The following RILPL1 variants were observed in gnomAD, a reference collection of about 807,000 sequenced individuals.
The protein encoded by RILPL1 is Rab interacting lysosomal protein like 1.
RILPL1 carries 33 observed loss-of-function variants against 50.3 expected under a neutral mutation model. The ratio of observed to expected loss-of-function variants is 0.66; its 90% confidence interval spans 0.50 to 0.88. RILPL1 has a LOEUF of 0.88. Among genes scored for constraint, RILPL1 ranks in the 40% least tolerant of loss-of-function variants. The pLI is 0.00. For missense variants in RILPL1, 418 were observed against 542.5 expected (o/e 0.77, Z 2.28); for synonymous variants, 205 against 228.6 (o/e 0.90, Z 0.93).
In RILPL1 at chr12:123,470,557, C is replaced by T. The variant is rs1375073685; in HGVS notation, c.*1981G>A. The T allele has an allele frequency of 6.6e-6, 1 of 151,348 alleles. No individual in the cohort carries two copies. The highest frequency in any genetic ancestry group is 1.5e-5 in the Non-Finnish European group (1 of 68,020). 9.4% of individuals were successfully genotyped at this position (151,348 alleles called of 1,614,324 possible). A position where few individuals can be genotyped will look rare whatever the true frequency, so the allele number is the denominator to read the frequency against. ...TTGAGAGGCCAAGGCAGGTGAATCA[C>T]TTGAGGTCAGGAGTTCGAGACCTCG... On this transcript the variant is annotated 3_prime_UTR_variant, in exon 7 of 7. Transcript: ENST00000376874.
chr12:123,475,896 AATTTTTT>A, intron 6 of RILPL1: 17 of 504,918 alleles, frequency 3.4e-5, no homozygotes, highest in South Asian at 4.8e-5. Flanking sequence ...ATTCACTTAA[AATTTTTT>A]TTTTTTTTTT....
At chr12:123,516,959 G>A (rs1396862468) in intron 2 of RILPL1, among the ~76,000 whole-genome samples, 5 of 152,156 alleles carry the variant, frequency 3.3e-5, no homozygotes, top group African/African-American at 1.2e-4. Context: ...TACTTGGGAG[G>A]CTGAGGCAGG....
In RILPL1 at chr12:123,493,649, C is replaced by T. The variant is rs1012679632; in HGVS notation, c.801+4895G>A. On this transcript the variant is annotated intron_variant, in intron 4 of 6. Transcript: ENST00000376874. ...TCCAAATCCTGCCCTGGGACAAACC[C>T]CTGACCCCAGCCACATGCTGCACGT... Among the ~76,000 whole-genome samples, 365 of 152,276 alleles carry T rather than the reference C, an allele frequency of 2.4e-3. 5 individuals carry two copies. The highest frequency in any genetic ancestry group is 7.1e-4 in the Non-Finnish European group (48 of 68,028).
chr12:123,530,060 T>C (rs1003145757), intron 1 of RILPL1, among the ~76,000 whole-genome samples: 7 of 151,834 alleles, frequency 4.6e-5, no homozygotes, highest in Admixed American at 4.6e-4. Flanking sequence ...AAAAAAAGAG[T>C]GCAGAATATC....
chr12:123,481,119 G>A (rs188387022), intron 6 of RILPL1, among the ~76,000 whole-genome samples: 580 of 152,242 alleles, frequency 3.8e-3, no homozygotes, highest in Non-Finnish European at 6.8e-3. Context: ...CACTTTGGGA[G>A]GCCGAGGCGG....
chr12:123,470,858 A>G lies in RILPL1; in HGVS notation c.*1680T>C, dbSNP rs1881158376. 1.3e-5 allele frequency: 2 copies of G among 152,184 alleles called. No homozygotes were observed. The highest frequency in any genetic ancestry group is 2.9e-5 in the Non-Finnish European group (2 of 68,034). The allele number at this position is 152,184 out of a possible 1,614,324, so 9.4% of individuals were successfully genotyped here. ...ATTTTGGTTACCTGTTGGAAGGGCA[A>G]CAAAGGTGGCCAGGGGTGGGAGAGA... On this transcript the variant is annotated 3_prime_UTR_variant, in exon 7 of 7. Coordinates refer to ENST00000376874, the MANE Select transcript of RILPL1 (RefSeq NM_178314.5).
At chr12:123,494,400 A>G (rs1882901765) in intron 4 of RILPL1, among the ~76,000 whole-genome samples, 1 of 152,228 alleles carries the variant, frequency 6.6e-6, no homozygotes, top group Admixed American at 6.5e-5. Flanking sequence ...ACATTACCGC[A>G]GCCTGATTTT....
At chr12:123,508,901 C>T (rs1471700486) in intron 2 of RILPL1, among the ~76,000 whole-genome samples, 1 of 151,972 alleles carries the variant, frequency 6.6e-6, no homozygotes, top group Non-Finnish European at 1.5e-5. Context: ...AAACAATAGC[C>T]AAGGCTGGGC....
intron 6 of RILPL1, among the ~76,000 whole-genome samples, chr12:123,480,785 G>A (rs1468666133): frequency 2.6e-5 from 4 of 152,106 alleles, no homozygotes; most frequent in African/African-American, 9.7e-5. Context: ...TCCTCCCAAC[G>A]TGAGGCTACC....
intron 2 of RILPL1, among the ~76,000 whole-genome samples, chr12:123,504,994 G>T (rs1170124768): frequency 6.6e-6 from 1 of 151,938 alleles, no homozygotes; most frequent in African/African-American, 2.4e-5. Flanking sequence ...ACATATTTTT[G>T]CATATGTGTA....
rs144790896 is a variant in RILPL1 at position 123,492,575 on chromosome 12, G to C, written c.801+5969C>G. 1.7e-3 allele frequency among the ~76,000 whole-genome samples: 256 copies of C among 152,314 alleles called. 1 individual carries two copies. The highest frequency in any genetic ancestry group is 5.6e-3 in the African/African-American group (234 of 41,572). On this transcript the variant is annotated intron_variant, in intron 4 of 6. Transcript: ENST00000376874. ...AAGTTATAAAAATAGAAAGAGCCTT[G>C]TCTCCTGGTGATCACACTGCAATGA...
intron 2 of RILPL1, among the ~76,000 whole-genome samples, chr12:123,504,106 T>G (rs944159789): frequency 3.3e-5 from 5 of 152,096 alleles, no homozygotes; most frequent in Admixed American, 3.3e-4. Flanking sequence ...ACCTGATATT[T>G]TGGGGCCATT....
At chr12:123,507,802 G>GT in intron 2 of RILPL1, among the ~76,000 whole-genome samples, 1 of 151,770 alleles carries the variant, frequency 6.6e-6, no homozygotes, top group East Asian at 1.9e-4. Context: ...TTAGCTGGGC[G>GT]TGGTGGTGCA....
chr12:123,487,363 C>A (rs997320686), intron 4 of RILPL1, among the ~76,000 whole-genome samples: 2 of 152,036 alleles, frequency 1.3e-5, no homozygotes, highest in African/African-American at 4.8e-5. Context: ...AGTGCAATGG[C>A]ACGATCTCAG....
At position 123,484,237 on chromosome 12, in the gene RILPL1, G is replaced by C. The variant is rs1226251453; in HGVS notation, c.1010C>G (p.Pro337Arg). The C allele has an allele frequency of 6.2e-7, 1 of 1,610,210 alleles. No individual in the cohort carries two copies. The highest frequency in any genetic ancestry group is 1.1e-5 in the South Asian group (1 of 91,018). The stretch of plus-strand genomic sequence containing the variant: ...CGTCCTCGGGTGGGCGATGGGTGGG[G>C]GTTGGGGTATTCGGTTTTCCTCTTC... ...EMEEENRIPQPPPIAHPRTSP... is the reference protein window; with the variant it reads ...EMEEENRIPQRPPIAHPRTSP... Residue 337 changes from proline (P) to arginine (R), a missense_variant, in exon 6 of 7, where the codon CCC becomes CGC. Coordinates refer to ENST00000376874, the MANE Select transcript of RILPL1 (RefSeq NM_178314.5).
rs866529798 is a variant in RILPL1, at chr12:123,529,549, T to C, written c.309+3625A>G. ...GCCTCGGCCTCCCAAAGTGCTGGGA[T>C]TACAGGTGTGAAACACTGTGCCCAG... On this transcript the variant is annotated intron_variant, in intron 1 of 6. Coordinates refer to ENST00000376874, the MANE Select transcript of RILPL1 (RefSeq NM_178314.5). Among the ~76,000 whole-genome samples, 5 of 151,942 alleles carry C rather than the reference T, an allele frequency of 3.3e-5. 1 individual carries two copies. The highest frequency in any genetic ancestry group is 1.2e-4 in the African/African-American group (5 of 41,490).
chr12:123,481,174 T>G (rs1289035066), intron 6 of RILPL1, among the ~76,000 whole-genome samples: 1 of 151,862 alleles, frequency 6.6e-6, no homozygotes, highest in Admixed American at 6.6e-5. Context: ...CTGGCCAACA[T>G]GGTGAAACTC....
intron 6 of RILPL1, chr12:123,474,292 T>C (rs1471799553): frequency 2.0e-5 from 3 of 152,274 alleles, no homozygotes; most frequent in Non-Finnish European, 4.4e-5. Context: ...CCAAAAGCTC[T>C]TCCTAAAACT....
Position 123,533,476 on chromosome 12 carries a change from C to T in RILPL1, c.7G>A (p.Glu3Lys), listed in dbSNP as rs1885523442. The change falls in exon 1 of 7, where the codon GAG becomes AAG. Residue 3 changes from glutamate (E) to lysine (K), a missense_variant. By Grantham distance (56) the Glu-to-Lys change is moderately conservative (BLOSUM62 1). Transcript: ENST00000376874. This position sits in a 1 kb window ranked among gnomAD's most constrained non-coding sequence, Gnocchi z 6.2. The part of the protein sequence containing the change: ME[E>K]ERGSALAAES... ...GCCGCCAGCGCCGACCCCCGCTCCT[C>T]CTCCATGGCCACCCTCCTGGCCTGT... 6.6e-7 allele frequency: 1 copy of T among 1,524,964 alleles called. No homozygotes were observed. The highest frequency in any genetic ancestry group is 8.8e-7 in the Non-Finnish European group (1 of 1,134,530). 94.5% of individuals were successfully genotyped at this position (1,524,964 alleles called of 1,614,324 possible).
Sources: gnomAD v4.1 joint callset for allele counts (sites outside exome capture counted in the v4.1 genomes callset) on GRCh38, gnomAD v4.1.1 for gene constraint, Gnocchi (gnomAD v3.1) non-coding constraint, MANE v1.5 for transcripts, NCBI Gene and HGNC (gene_info 2026-07-23, HGNC 2026-07-21) for gene names.